PHEX: variants seen among roughly 807,000 people sequenced by gnomAD.
PHEX encodes phosphate-regulating neutral endopeptidase PHEX.
In PHEX, 16 loss-of-function variants were observed where a neutral mutation model predicts 68.0. The observed-to-expected ratio is 0.24, with a 90% CI of 0.16 to 0.36. The LOEUF (loss-of-function observed/expected upper bound fraction) is 0.36. Ranked by LOEUF, PHEX falls within the 10% of genes least tolerant of loss-of-function variation. PHEX has a pLI of 1.00. For missense variants in PHEX, 480 were observed against 575.5 expected (o/e 0.83, Z 1.70); for synonymous variants, 208 against 205.1 (o/e 1.01, Z -0.12).
chrX:22,170,620 T>C (rs1040926556), intron 13 of PHEX, among the ~76,000 whole-genome samples: 5 of 112,153 alleles, frequency 4.5e-5, no homozygotes, highest in Admixed American at 2.8e-4. Flanking sequence ...GTGAACTATT[T>C]TGGTTTGAAA....
intron 14 of PHEX, among the ~76,000 whole-genome samples, chrX:22,189,695 T>A (rs1934139091): frequency 8.9e-6 from 1 of 112,874 alleles, no homozygotes; most frequent in Admixed American, 9.4e-5. Context: ...CCTCTTTGCC[T>A]GTAAAGCCTA....
intron 20 of PHEX, among the ~76,000 whole-genome samples, chrX:22,238,503 GCTGAGATCC>G (rs936463181): frequency 2.7e-5 from 3 of 111,957 alleles, no homozygotes; most frequent in African/African-American, 9.7e-5. Context: ...AGCCCAGCAA[GCTGAGATCC>G]ACTGGCTTGA....
At chrX:22,160,530 C>A (rs1026049262) in intron 12 of PHEX, among the ~76,000 whole-genome samples, 23 of 76,071 alleles carry the variant, frequency 3.0e-4, no homozygotes, top group Admixed American at 3.4e-4. Flanking sequence ...GCCTGGGCAA[C>A]AAGAGTGAAA....
rs575214592 is a variant in PHEX at position 22,061,737 on chromosome X, G to C, written c.349+14526G>C. Reference sequence around the variant, plus strand: ...TGCAATGGAGCCAGGATTAGATTTGGGCCATTTGACCTTTACTGCCTGGTA... The same window carrying C: ...TGCAATGGAGCCAGGATTAGATTTGCGCCATTTGACCTTTACTGCCTGGTA... On this transcript the variant is annotated intron_variant, in intron 3 of 21. Transcript: ENST00000379374. Among the ~76,000 whole-genome samples, 15 of 111,425 alleles carry C rather than the reference G, an allele frequency of 1.3e-4. No homozygotes were observed. In the South Asian group the frequency reaches 5.3e-3, roughly 39 times the overall value.
At chrX:22,246,894 C>T (rs911745478) in intron 21 of PHEX, among the ~76,000 whole-genome samples, 5 of 111,710 alleles carry the variant, frequency 4.5e-5, no homozygotes, top group Admixed American at 1.9e-4. Flanking sequence ...CCTTTGAACA[C>T]GGAGTTGAGT....
rs1216439796 is a variant in PHEX at position 22,083,988 on chromosome X, A to G, written c.663+6286A>G. Reference sequence around the variant, plus strand: ...TATGTGTTTGTCAGATATGGCTTTTACTTTTTGAGGTGTGTTCCTTCTGTA... The same window carrying G: ...TATGTGTTTGTCAGATATGGCTTTTGCTTTTTGAGGTGTGTTCCTTCTGTA... On this transcript the variant is annotated intron_variant, in intron 5 of 21. Transcript: ENST00000379374. 3.6e-5 allele frequency among the ~76,000 whole-genome samples: 4 copies of G among 111,732 alleles called. No individual in the cohort carries two copies. In the East Asian group the frequency reaches 1.1e-3, roughly 31 times the overall value.
chrX:22,129,197 G>A (rs762624739), intron 11 of PHEX, among the ~76,000 whole-genome samples: 1 of 111,070 alleles, frequency 9.0e-6, no homozygotes, highest in Non-Finnish European at 1.9e-5. Context: ...TTCACATCCC[G>A]GGCCAGACAG....
rs752676085 is a variant in PHEX, at chrX:22,072,394, G to A, written c.350-3994G>A. Among the ~76,000 whole-genome samples the A allele has an allele frequency of 1.4e-4, 16 of 111,522 alleles. No individual in the cohort carries two copies. The East Asian group carries it at 4.2e-3, about 29-fold the overall frequency. ...CCACTGCACTCCAGCCTGGGCGGTAGAGCAAGACTCCATCTCAAAAAAAAA... is the reference window on the plus strand; with the variant it reads ...CCACTGCACTCCAGCCTGGGCGGTAAAGCAAGACTCCATCTCAAAAAAAAA... On this transcript the variant is annotated intron_variant, in intron 3 of 21. Transcript: ENST00000379374.
chrX:22,077,090 C>T (rs1190848012), intron 4 of PHEX, among the ~76,000 whole-genome samples: 1 of 112,095 alleles, frequency 8.9e-6, no homozygotes, highest in Admixed American at 9.5e-5. Context: ...GAATCTGAAG[C>T]ATCACTTCTT....
At chrX:22,034,459 G>A (rs1377707362) in intron 1 of PHEX, among the ~76,000 whole-genome samples, 1 of 112,332 alleles carries the variant, frequency 8.9e-6, no homozygotes, top group Non-Finnish European at 1.9e-5. Flanking sequence ...AAGATTCTCC[G>A]CGGCAGCAAA....
chrX:22,047,689 G>A (rs1334672272), intron 3 of PHEX, among the ~76,000 whole-genome samples: 3 of 111,588 alleles, frequency 2.7e-5, no homozygotes, highest in Non-Finnish European at 5.6e-5. Flanking sequence ...TGGCTCTAGG[G>A]AGATTCACTT....
chrX:22,233,102 C>A (rs1425378160), intron 20 of PHEX, among the ~76,000 whole-genome samples: 1 of 111,645 alleles, frequency 9.0e-6, no homozygotes, highest in Non-Finnish European at 1.9e-5. Flanking sequence ...AAATTCTTTT[C>A]TTTTCTTTGA....
chrX:22,034,768 C>A (rs952881055), intron 1 of PHEX, among the ~76,000 whole-genome samples: 1 of 112,300 alleles, frequency 8.9e-6, no homozygotes, highest in Non-Finnish European at 1.9e-5. Flanking sequence ...CCACCCCAGA[C>A]CCGCTGATTC....
intron 20 of PHEX, among the ~76,000 whole-genome samples, chrX:22,242,050 C>G (rs1936225628): frequency 8.9e-6 from 1 of 111,872 alleles, no homozygotes; most frequent in Non-Finnish European, 1.9e-5. Flanking sequence ...CAAACTGAAT[C>G]CAGTGGCACA....
intron 11 of PHEX, among the ~76,000 whole-genome samples, chrX:22,126,095 T>A (rs1931707309): frequency 8.9e-6 from 1 of 111,938 alleles, no homozygotes; most frequent in African/African-American, 3.2e-5. Context: ...TATGGACTCG[T>A]GAAAAATCAT....
intron 8 of PHEX, among the ~76,000 whole-genome samples, chrX:22,098,296 A>G (rs1930239998): frequency 9.3e-6 from 1 of 107,309 alleles, no homozygotes. Context: ...TGGGAGGAAG[A>G]AAGAGTATAG....
At chrX:22,038,249 C>T (rs1248829056) in intron 1 of PHEX, among the ~76,000 whole-genome samples, 1 of 110,968 alleles carries the variant, frequency 9.0e-6, no homozygotes, top group Admixed American at 9.6e-5. Flanking sequence ...ATCTTACGTA[C>T]GAGAGAACTG....
intron 5 of PHEX, among the ~76,000 whole-genome samples, chrX:22,084,213 T>C (rs1483088600): frequency 1.8e-5 from 2 of 111,856 alleles, no homozygotes; most frequent in Non-Finnish European, 3.8e-5. Flanking sequence ...CAGGCTGGAC[T>C]TGGGTTCAAG....
At chrX:22,082,186 A>G (rs1281233986) in intron 5 of PHEX, among the ~76,000 whole-genome samples, 1 of 112,148 alleles carries the variant, frequency 8.9e-6, no homozygotes, top group Admixed American at 9.5e-5. Context: ...AATCTGATAC[A>G]TTCATATAAT....
Sources: allele counts gnomAD v4.1 joint callset (sites outside exome capture counted in the v4.1 genomes callset), GRCh38; gene constraint gnomAD v4.1.1; transcripts MANE v1.5; gene names NCBI Gene and HGNC (gene_info 2026-07-23, HGNC 2026-07-21).